The following SV2C variants were observed in gnomAD, a reference collection of about 807,000 sequenced individuals.
SV2C encodes the protein solute carrier family 22 member B3.
Under a neutral mutation model 79.7 loss-of-function variants are expected in SV2C, and 49 were observed. The observed-to-expected ratio is 0.61, with a 90% CI of 0.49 to 0.78. SV2C has a LOEUF of 0.78. SV2C is among the 30% of genes least tolerant of loss of function. The pLI is 0.00. For missense variants in SV2C, 833 were observed against 912.9 expected, an observed-to-expected ratio of 0.91 and a Z score of 1.13; for synonymous variants, 334 against 333.2, an observed-to-expected ratio of 1.00 and a Z score of -0.03.
the SV2C span, among the ~76,000 whole-genome samples, chr5:75,974,977 T>C: frequency 6.6e-6 from 1 of 152,138 alleles, no homozygotes; most frequent in Non-Finnish European, 1.5e-5. Context: ...GTCATAATAG[T>C]CTGCTCCTAC....
intron 4 of SV2C, among the ~76,000 whole-genome samples, chr5:76,216,939 T>C (rs1369235263): frequency 2.6e-5 from 4 of 152,344 alleles, no homozygotes; most frequent in South Asian, 2.1e-4. Flanking sequence ...AAACCCTCTG[T>C]CATCATTTTC....
intron 1 of SV2C, among the ~76,000 whole-genome samples, chr5:76,122,633 T>C (rs528338317): frequency 6.6e-6 from 1 of 151,856 alleles, no homozygotes; most frequent in African/African-American, 2.4e-5. Flanking sequence ...ACTGGGTACA[T>C]AACGAAATGA....
At chr5:75,979,328 CA>C in the SV2C span, among the ~76,000 whole-genome samples, 2 of 152,042 alleles carry the variant, frequency 1.3e-5, no homozygotes, top group African/African-American at 4.8e-5. Context: ...ATCACTGAGA[CA>C]GAAAATTAAC....
At chr5:76,249,983 C>T (rs750632120) in intron 4 of SV2C, among the ~76,000 whole-genome samples, 3 of 152,180 alleles carry the variant, frequency 2.0e-5, no homozygotes, top group Non-Finnish European at 4.4e-5. Context: ...TTATTCTGAA[C>T]GTTTGCTTTG....
the SV2C span, among the ~76,000 whole-genome samples, chr5:76,034,013 G>A: frequency 3.3e-5 from 5 of 150,322 alleles, no homozygotes; most frequent in Non-Finnish European, 7.4e-5. Context: ...TGAAGCAATT[G>A]TGAATGGGAG....
At chr5:75,943,626 C>T in the SV2C span, among the ~76,000 whole-genome samples, 6 of 152,192 alleles carry the variant, frequency 3.9e-5, no homozygotes, top group East Asian at 1.9e-4. Context: ...AATTTTGAAA[C>T]GTGAGCAATA....
chr5:76,032,919 A>G, the SV2C span, among the ~76,000 whole-genome samples: 1 of 152,112 alleles, frequency 6.6e-6, no homozygotes, highest in African/African-American at 2.4e-5. Flanking sequence ...TTGTTTCCTG[A>G]CTTTTTAATG....
At chr5:75,896,777 G>T in the SV2C span, among the ~76,000 whole-genome samples, 1 of 148,802 alleles carries the variant, frequency 6.7e-6, no homozygotes, top group South Asian at 2.1e-4. Context: ...GTGTGAGATG[G>T]TATCTCATTG....
At chr5:76,072,277 G>C in the SV2C span, among the ~76,000 whole-genome samples, 1 of 152,130 alleles carries the variant, frequency 6.6e-6, no homozygotes, top group Non-Finnish European at 1.5e-5. Flanking sequence ...TTAATTAAAT[G>C]TGTGAACAAT....
intron 2 of SV2C, among the ~76,000 whole-genome samples, chr5:76,151,210 CAG>C (rs1749593076): frequency 6.6e-6 from 1 of 152,110 alleles, no homozygotes; most frequent in Admixed American, 6.5e-5. Context: ...TTCTGAAAGA[CAG>C]AACAAACTGA....
rs367721154 is a variant in SV2C, at chr5:76,158,255, T to G, written c.580+25925T>G. Among the ~76,000 whole-genome samples, 168 of 151,960 alleles carry G rather than the reference T, an allele frequency of 1.1e-3. 1 individual carries two copies. Among genetic ancestry groups the G allele is most frequent in the Admixed American group, 2.0e-3 (31 of 15,242 alleles). On this transcript the variant is annotated intron_variant, in intron 2 of 12. Transcript: ENST00000502798. ...TCAAAAGGCAGAGAGTTAAACAATC[T>G]TTAGTTAAAAACAAAAAGCAAGATT...
the SV2C span, among the ~76,000 whole-genome samples, chr5:76,047,937 A>AT: frequency 6.6e-6 from 1 of 151,784 alleles, no homozygotes. Context: ...CTCCCGGCTA[A>AT]TTTTTTTGTA....
At chr5:76,000,167 G>A in the SV2C span, among the ~76,000 whole-genome samples, 6 of 152,222 alleles carry the variant, frequency 3.9e-5, no homozygotes, top group South Asian at 1.2e-3. Context: ...GACACACCCA[G>A]AAATAATGTT....
chr5:75,898,529 C>A, the SV2C span, among the ~76,000 whole-genome samples: 1 of 152,060 alleles, frequency 6.6e-6, no homozygotes, highest in Non-Finnish European at 1.5e-5. Context: ...CTAAAATTCT[C>A]TTTTTTGGTT....
the SV2C span, among the ~76,000 whole-genome samples, chr5:75,996,965 A>G: frequency 2.1e-5 from 3 of 141,196 alleles, no homozygotes; most frequent in African/African-American, 7.9e-5. Context: ...TCCTAATTGA[A>G]TACCCTTTAT....
chr5:76,099,192 T>G lies in SV2C; in HGVS notation c.-102+15680T>G, dbSNP rs1473303635. On this transcript the variant is annotated intron_variant, in intron 1 of 12. Coordinates refer to ENST00000502798, the MANE Select transcript of SV2C (RefSeq NM_014979.4). ...ATGTGATCTGCTGGCTTAGAATTTT[T>G]TTTCTTACTAGACGATTTTGAAATT... 2.0e-5 allele frequency among the ~76,000 whole-genome samples: 3 copies of G among 152,180 alleles called. No individual in the cohort carries two copies. In the East Asian group the frequency reaches 5.8e-4, roughly 29 times the overall value.
the SV2C span, among the ~76,000 whole-genome samples, chr5:76,047,722 A>G: frequency 6.6e-6 from 1 of 152,024 alleles, no homozygotes; most frequent in Admixed American, 6.5e-5. Flanking sequence ...ATTGTATAAC[A>G]TAGGGACTAT....
rs541366579 is a variant in SV2C at position 76,173,938 on chromosome 5, A to G, written c.581-20981A>G. On this transcript the variant is annotated intron_variant, in intron 2 of 12. Transcript: ENST00000502798. The stretch of plus-strand genomic sequence containing the variant: ...TAAATGTGGACTGTGCTGTGATGGA[A>G]TAAACTAATGCAAACCCTTGTCCAT... 28 of 1,578,010 alleles carry G rather than the reference A, an allele frequency of 1.8e-5. No individual in the cohort carries two copies. In the African/African-American group the frequency reaches 2.0e-4, roughly 11 times the overall value.
chr5:76,286,362 T>C (rs1354667645), intron 6 of SV2C, among the ~76,000 whole-genome samples: 1 of 152,078 alleles, frequency 6.6e-6, no homozygotes, highest in Non-Finnish European at 1.5e-5. Flanking sequence ...GGTCATACCT[T>C]TTCAAGTGAC....
Sources: allele counts gnomAD v4.1 joint callset (sites outside exome capture counted in the v4.1 genomes callset), GRCh38; gene constraint gnomAD v4.1.1; transcripts MANE v1.5; gene names NCBI Gene and HGNC (gene_info 2026-07-23, HGNC 2026-07-21).